HSD17B2: variants seen among roughly 807,000 people sequenced by gnomAD.
HSD17B2 encodes 17-beta-hydroxysteroid dehydrogenase type 2.
Under a neutral mutation model 26.9 loss-of-function variants are expected in HSD17B2, and 32 were observed. That is an observed-to-expected ratio of 1.19 (90% CI 0.90 to 1.60). The LOEUF (loss-of-function observed/expected upper bound fraction) is 1.60. Ranked by LOEUF, HSD17B2 falls within the 40% of genes most tolerant of loss-of-function variation. The probability of loss-of-function intolerance (pLI) is 0.00; values close to 1 mark genes in which losing one functional copy is unlikely to be tolerated. For synonymous variants in HSD17B2, 246 were observed against 186.7 expected, an observed-to-expected ratio of 1.32 and a Z score of -2.59; for missense variants, 613 against 468.6, an observed-to-expected ratio of 1.31 and a Z score of -2.85.
At chr16:82,077,722 C>A (rs8051789) in intron 3 of HSD17B2, among the ~76,000 whole-genome samples, 12,055 of 148,026 alleles carry the variant, frequency 0.081, 1,622 homozygotes, top group African/African-American at 0.28. Context: ...CAGAGTGAGA[C>A]CCTGTTTCAA....
chr16:82,049,057 C>A (rs1452010844), intron 1 of HSD17B2, among the ~76,000 whole-genome samples: 1 of 152,174 alleles, frequency 6.6e-6, no homozygotes, highest in African/African-American at 2.4e-5. Flanking sequence ...TGTTTCTGTT[C>A]AATTACATCT....
intron 1 of HSD17B2, among the ~76,000 whole-genome samples, chr16:82,038,979 GA>G (rs1336490233): frequency 6.6e-6 from 1 of 152,108 alleles, no homozygotes; most frequent in Non-Finnish European, 1.5e-5. Flanking sequence ...TTGTGGGCAG[GA>G]GGGGAGACTT....
intron 3 of HSD17B2, among the ~76,000 whole-genome samples, chr16:82,076,742 T>C (rs570689628): frequency 5.0e-4 from 76 of 152,236 alleles, no homozygotes; most frequent in Non-Finnish European, 8.8e-4. Flanking sequence ...GCCCAGCTAT[T>C]TTTTTGTGTG....
chr16:82,046,609 G>T (rs1475134907), intron 1 of HSD17B2, among the ~76,000 whole-genome samples: 1 of 151,954 alleles, frequency 6.6e-6, no homozygotes, highest in Non-Finnish European at 1.5e-5. Context: ...TGTAATCCCA[G>T]CTACTCGGGG....
chr16:82,041,933 T>G (rs1329917473), intron 1 of HSD17B2, among the ~76,000 whole-genome samples: 1 of 152,134 alleles, frequency 6.6e-6, no homozygotes, highest in South Asian at 2.1e-4. Context: ...AAACTTTAAA[T>G]TTGGCATGTT....
intron 3 of HSD17B2, among the ~76,000 whole-genome samples, chr16:82,077,597 G>C (rs1904309128): frequency 6.6e-6 from 1 of 152,120 alleles, no homozygotes; most frequent in African/African-American, 2.4e-5. Context: ...AGGCATGGTG[G>C]CATGTGCCTG....
Position 82,098,501 on chromosome 16 carries a change from T to G in HSD17B2, c.*65T>G. On this transcript the variant is annotated 3_prime_UTR_variant, in exon 5 of 5. Coordinates refer to ENST00000199936, the MANE Select transcript of HSD17B2 (RefSeq NM_002153.3). ...TGAAATGAAAGGGAAACTGGGAAACTGGGTTTCTCATTAAAGTTGTTTCCC... is the reference window on the plus strand; with the variant it reads ...TGAAATGAAAGGGAAACTGGGAAACGGGGTTTCTCATTAAAGTTGTTTCCC... 1 of 1,494,074 alleles carries G rather than the reference T, an allele frequency of 6.7e-7. No individual in the cohort carries two copies. Among genetic ancestry groups the G allele is most frequent in the East Asian group, 2.3e-5 (1 of 44,090 alleles). The allele number at this position is 1,494,074 out of a possible 1,614,324, so 92.6% of individuals were successfully genotyped here. A position where few individuals can be genotyped will look rare whatever the true frequency, so the allele number is the denominator to read the frequency against.
At chr16:82,054,439 G>A (rs1914204880) in intron 1 of HSD17B2, among the ~76,000 whole-genome samples, 1 of 152,012 alleles carries the variant, frequency 6.6e-6, no homozygotes, top group South Asian at 2.1e-4. Context: ...CCACCTCCCA[G>A]GTTCAAGCAA....
At chr16:82,053,932 G>T (rs1258377781) in intron 1 of HSD17B2, among the ~76,000 whole-genome samples, 1 of 152,166 alleles carries the variant, frequency 6.6e-6, no homozygotes, top group African/African-American at 2.4e-5. Context: ...ATAAGCAGTT[G>T]TTCCTGATAA....
intron 1 of HSD17B2, among the ~76,000 whole-genome samples, chr16:82,064,133 G>T (rs949827838): frequency 6.6e-6 from 1 of 152,198 alleles, no homozygotes; most frequent in African/African-American, 2.4e-5. Context: ...GCTCTTCCAA[G>T]GAACTTTCCT....
intron 3 of HSD17B2, among the ~76,000 whole-genome samples, chr16:82,088,009 G>A (rs1333881413): frequency 6.6e-6 from 1 of 152,018 alleles, no homozygotes; most frequent in African/African-American, 2.4e-5. Flanking sequence ...GCTTTTGGAG[G>A]GACACATTCA....
At chr16:82,037,429 C>A (rs1330597452) in intron 1 of HSD17B2, among the ~76,000 whole-genome samples, 1 of 152,136 alleles carries the variant, frequency 6.6e-6, no homozygotes, top group Non-Finnish European at 1.5e-5. Context: ...TTTGGAATAA[C>A]CTTTGTTCCA....
intron 3 of HSD17B2, among the ~76,000 whole-genome samples, chr16:82,074,993 C>A (rs1365737967): frequency 1.3e-5 from 2 of 152,092 alleles, no homozygotes; most frequent in African/African-American, 4.8e-5. Context: ...GAAATAATAT[C>A]AAGTATCTTC....
chr16:82,097,365 A>T (rs1367771762), intron 4 of HSD17B2: 2 of 150,360 alleles, frequency 1.3e-5, no homozygotes, highest in East Asian at 3.9e-4. Flanking sequence ...ACACACACAC[A>T]CACACACACA....
intron 1 of HSD17B2, among the ~76,000 whole-genome samples, chr16:82,062,287 C>T (rs1161733639): frequency 6.6e-6 from 1 of 152,204 alleles, no homozygotes; most frequent in African/African-American, 2.4e-5. Context: ...GGTTTCCAGG[C>T]TGCTAGAGAC....
chr16:82,051,288 G>T (rs1039722003), intron 1 of HSD17B2, among the ~76,000 whole-genome samples: 1 of 152,206 alleles, frequency 6.6e-6, no homozygotes, highest in Admixed American at 6.5e-5. Context: ...ATGCATGCAC[G>T]CATGAATGAA....
Position 82,068,178 on chromosome 16 carries a change from T to G in HSD17B2, c.274T>G (p.Cys92Gly). 1 of 1,614,202 alleles carries G rather than the reference T, an allele frequency of 6.2e-7. No homozygotes were observed. The highest frequency in any genetic ancestry group is 1.1e-5 in the South Asian group (1 of 91,080). The change falls in exon 2 of 5, where the codon TGC becomes GGC. Residue 92 changes from cysteine to glycine, a missense_variant. Cys to Gly is a radical substitution (Grantham distance 159, BLOSUM62 -3). Transcript: ENST00000199936. ...CCCCTGACCCTATGCAGGTGGTGAT[T>G]GCGGGCTTGGCCATGCTTTGTGCAA... ...QKAVLVTGGD[C>G]GLGHALCKYL...
At chr16:82,044,699 C>T (rs929462502) in intron 1 of HSD17B2, 1 of 152,366 alleles carries the variant, frequency 6.6e-6, no homozygotes, top group Non-Finnish European at 1.5e-5. Context: ...GCTCCACCTC[C>T]CTGGGGGGAG....
intron 4 of HSD17B2, chr16:82,092,237 T>G (rs1025932853): frequency 1.4e-4 from 21 of 152,206 alleles, no homozygotes; most frequent in African/African-American, 4.3e-4. Context: ...AAACAATATT[T>G]TTCTCCTTCC....
Sources: allele counts gnomAD v4.1 joint callset (sites outside exome capture counted in the v4.1 genomes callset), GRCh38; gene constraint gnomAD v4.1.1; transcripts MANE v1.5; gene names NCBI Gene and HGNC (gene_info 2026-07-23, HGNC 2026-07-21).